The following BRINP3 variants were observed in gnomAD, a reference collection of about 807,000 sequenced individuals.
BRINP3 encodes BMP/retinoic acid-inducible neural-specific protein 3.
BRINP3 carries 19 observed loss-of-function variants against 71.0 expected under a neutral mutation model. The observed-to-expected ratio is 0.27, with a 90% CI of 0.19 to 0.39. The LOEUF is 0.39. BRINP3 is among the 10% of genes least tolerant of loss of function. The pLI, the probability that BRINP3 is intolerant of heterozygous loss-of-function variation, is 1.00. For missense variants in BRINP3, 959 were observed against 940.8 expected, an observed-to-expected ratio of 1.02 and a Z score of -0.25; for synonymous variants, 380 against 337.7, an observed-to-expected ratio of 1.13 and a Z score of -1.37.
chr1:190,299,139 G>A (rs1664479856), intron 2 of BRINP3, among the ~76,000 whole-genome samples: 1 of 151,794 alleles, frequency 6.6e-6, no homozygotes, highest in South Asian at 2.1e-4. Flanking sequence ...TGAAATTAAT[G>A]TTTACCTATT....
chr1:190,346,522 T>C (rs1182602391), intron 2 of BRINP3, among the ~76,000 whole-genome samples: 1 of 152,154 alleles, frequency 6.6e-6, no homozygotes, highest in Non-Finnish European at 1.5e-5. Context: ...TGAGTGTTCC[T>C]GTGCTTATTC....
intron 6 of BRINP3, among the ~76,000 whole-genome samples, chr1:190,161,302 T>C (rs1208856835): frequency 6.6e-6 from 1 of 151,836 alleles, no homozygotes; most frequent in Non-Finnish European, 1.5e-5. Context: ...AAAAACCTTT[T>C]CAGAAATTTT....
At chr1:190,240,888 A>AAAC (rs1558098519) in intron 4 of BRINP3, among the ~76,000 whole-genome samples, 1 of 149,120 alleles carries the variant, frequency 6.7e-6, no homozygotes, top group African/African-American at 2.5e-5. Context: ...AAAAAAAAAA[A>AAAC]AAAAAAAAAA....
rs529111165 is a variant in BRINP3 at position 190,156,563 on chromosome 1, GA to G, written c.1184+4104del. On this transcript the variant is annotated intron_variant, in intron 7 of 7. Coordinates refer to ENST00000367462, the MANE Select transcript of BRINP3 (RefSeq NM_199051.3). ...CATTTCATATTATTCTTTTAAAATGGAAAAAAAGAGAGATAGAAACAAAATG... is the reference window on the plus strand; with the variant it reads ...CATTTCATATTATTCTTTTAAAATGGAAAAAAGAGAGATAGAAACAAAATG... Among the ~76,000 whole-genome samples the G allele has an allele frequency of 3.9e-3, 589 of 150,462 alleles. 1 individual carries two copies. Among genetic ancestry groups the G allele is most frequent in the Admixed American group, 9.2e-3 (139 of 15,098 alleles).
At chr1:190,279,868 A>C (rs1662904262) in intron 3 of BRINP3, among the ~76,000 whole-genome samples, 1 of 151,836 alleles carries the variant, frequency 6.6e-6, no homozygotes, top group Admixed American at 6.6e-5. Flanking sequence ...TTATATTATA[A>C]ATGTTTACAT....
rs1336038857 is a variant in BRINP3 at position 190,477,457 on chromosome 1, T to C, written c.-60A>G. ...AAAGAGAATAACTTACCAGAGGAAA[T>C]TTCAGGAAGCAAGAAGACTGTGAGA... On this transcript the variant is annotated 5_prime_UTR_variant, in exon 1 of 8. Coordinates refer to ENST00000367462, the MANE Select transcript of BRINP3 (RefSeq NM_199051.3). 1 of 152,120 alleles carries C rather than the reference T, an allele frequency of 6.6e-6. No homozygotes were observed. Among genetic ancestry groups the C allele is most frequent in the East Asian group, 1.9e-4 (1 of 5,188 alleles). 9.4% of individuals were successfully genotyped at this position (152,120 alleles called of 1,614,324 possible).
intron 6 of BRINP3, among the ~76,000 whole-genome samples, chr1:190,189,669 AT>A (rs544427396): frequency 4.6e-4 from 69 of 151,018 alleles, no homozygotes; most frequent in Non-Finnish European, 7.1e-4. Context: ...TTTCCCATTG[AT>A]TTTTTTTATC....
chr1:190,275,961 A>G (rs113870256), intron 3 of BRINP3, among the ~76,000 whole-genome samples: 1 of 140,682 alleles, frequency 7.1e-6, no homozygotes, highest in Non-Finnish European at 1.6e-5. Flanking sequence ...ATATATATAT[A>G]TAGAGAGAGA....
intron 2 of BRINP3, among the ~76,000 whole-genome samples, chr1:190,384,824 G>T (rs905083106): frequency 7.9e-5 from 12 of 151,786 alleles, no homozygotes; most frequent in Non-Finnish European, 1.5e-4. Flanking sequence ...TATTGTAATA[G>T]ATTATTTTCT....
intron 7 of BRINP3, among the ~76,000 whole-genome samples, chr1:190,155,655 T>A (rs1656797501): frequency 6.6e-6 from 1 of 152,038 alleles, no homozygotes; most frequent in South Asian, 2.1e-4. Context: ...CGAATTATAA[T>A]CCCCACATTA....
intron 7 of BRINP3, among the ~76,000 whole-genome samples, chr1:190,113,962 TC>T (rs1392495997): frequency 6.6e-6 from 1 of 152,190 alleles, no homozygotes; most frequent in Non-Finnish European, 1.5e-5. Context: ...GACTCAGGAA[TC>T]CTATGTGTCT....
chr1:190,321,520 C>G (rs900727928), intron 2 of BRINP3, among the ~76,000 whole-genome samples: 6 of 151,968 alleles, frequency 3.9e-5, no homozygotes, highest in African/African-American at 1.4e-4. Context: ...TTTGTAGAAC[C>G]AAGTCAATGT....
intron 2 of BRINP3, among the ~76,000 whole-genome samples, chr1:190,369,535 G>T (rs1053761211): frequency 6.6e-6 from 1 of 151,782 alleles, no homozygotes; most frequent in Non-Finnish European, 1.5e-5. Context: ...TATTGAAAAG[G>T]TATTCACATT....
intron 2 of BRINP3, among the ~76,000 whole-genome samples, chr1:190,302,278 G>GTATA (rs554805805): frequency 1.6e-4 from 24 of 146,564 alleles, no homozygotes; most frequent in Non-Finnish European, 1.5e-4. Flanking sequence ...ATATATAAAT[G>GTATA]TATATATATA....
intron 5 of BRINP3, 72 bp from the exon 6 acceptor site, chr1:190,226,390 T>A (rs540678302): frequency 1.6e-5 from 13 of 829,800 alleles, no homozygotes; most frequent in East Asian, 1.1e-4. Context: ...ATTTATAATA[T>A]TCAATCAAAA....
At chr1:190,251,353 A>T (rs115171317) in intron 4 of BRINP3, among the ~76,000 whole-genome samples, 2,345 of 152,114 alleles carry the variant, frequency 0.015, 77 homozygotes, top group African/African-American at 0.053. Context: ...TTTTCCTGAC[A>T]ACCTTATGAT....
At chr1:190,389,176 T>G in intron 2 of BRINP3, among the ~76,000 whole-genome samples, 1 of 151,816 alleles carries the variant, frequency 6.6e-6, no homozygotes, top group Middle Eastern at 3.4e-3. Context: ...CTAGAATAAA[T>G]ATTGCATTAT....
At chr1:190,384,529 C>T (rs189514579) in intron 2 of BRINP3, among the ~76,000 whole-genome samples, 63 of 151,660 alleles carry the variant, frequency 4.2e-4, no homozygotes, top group Middle Eastern at 6.8e-3. Flanking sequence ...CAAAATTTTA[C>T]GTTCAGGAGC....
chr1:190,240,665 G>A (rs562343751), intron 4 of BRINP3, among the ~76,000 whole-genome samples: 11 of 151,980 alleles, frequency 7.2e-5, no homozygotes, highest in African/African-American at 2.7e-4. Context: ...GCAGTCAGGA[G>A]TTTGAGACCA....
Sources: gnomAD v4.1 joint callset for allele counts (sites outside exome capture counted in the v4.1 genomes callset) on GRCh38, gnomAD v4.1.1 for gene constraint, MANE v1.5 for transcripts, NCBI Gene and HGNC (gene_info 2026-07-23, HGNC 2026-07-21) for gene names.